PTK2: variants seen among roughly 807,000 people sequenced by gnomAD.
The protein encoded by PTK2 is focal adhesion kinase 1.
Under a neutral mutation model 150.1 loss-of-function variants are expected in PTK2, and 45 were observed. That is an observed-to-expected ratio of 0.30 (90% CI 0.24 to 0.38). PTK2 has a LOEUF of 0.38. Among genes scored for constraint, PTK2 ranks in the 10% least tolerant of loss-of-function variants. The probability of loss-of-function intolerance (pLI) is 1.00; values close to 1 mark genes in which losing one functional copy is unlikely to be tolerated. For missense variants in PTK2, 919 were observed against 1,307.3 expected (o/e 0.70, Z 4.58); for synonymous variants, 432 against 449.2 (o/e 0.96, Z 0.48).
At chr8:140,742,127 C>T (rs537017241) in intron 20 of PTK2, among the ~76,000 whole-genome samples, 7 of 152,182 alleles carry the variant, frequency 4.6e-5, no homozygotes, top group Non-Finnish European at 8.8e-5. Flanking sequence ...CAATGTGAGA[C>T]CTTGTCTCAA....
At position 140,933,488 on chromosome 8, in the gene PTK2, A is replaced by G. The variant is rs551946190; in HGVS notation, c.-121-7739T>C. 1.2e-4 allele frequency among the ~76,000 whole-genome samples: 18 copies of G among 152,372 alleles called. No homozygotes were observed. The South Asian group carries it at 3.7e-3, about 32-fold the overall frequency. The stretch of plus-strand genomic sequence containing the variant: ...TGCCAGAAGACAGAAAAATCAGGCA[A>G]GGTTTTGGAACGCTAAATCCTAGAG... On this transcript the variant is annotated intron_variant, in intron 1 of 31. Coordinates refer to ENST00000522684, the Ensembl canonical transcript of PTK2.
chr8:140,665,272 G>T (rs906503617), intron 30 of PTK2, among the ~76,000 whole-genome samples: 1 of 151,910 alleles, frequency 6.6e-6, no homozygotes, highest in Non-Finnish European at 1.5e-5. Flanking sequence ...TGGAAAGCAG[G>T]ATTTTTTTTT....
intron 22 of PTK2, chr8:140,734,608 AG>A: frequency 2.4e-6 from 1 of 413,902 alleles, no homozygotes; most frequent in Non-Finnish European, 4.9e-6. Flanking sequence ...TGCTTCCTCC[AG>A]GGGTTTAACA....
At chr8:140,811,149 T>C (rs886709981) in intron 10 of PTK2, among the ~76,000 whole-genome samples, 1 of 152,176 alleles carries the variant, frequency 6.6e-6, no homozygotes, top group African/African-American at 2.4e-5. Context: ...ACACCACCCA[T>C]TGGAGTGTAG....
intron 16 of PTK2, among the ~76,000 whole-genome samples, chr8:140,755,963 C>T (rs753947339): frequency 1.3e-5 from 2 of 152,128 alleles, no homozygotes; most frequent in African/African-American, 2.4e-5. Context: ...AATGAACAGA[C>T]TGCTTTGCAC....
chr8:140,738,831 G>A (rs911007819), intron 21 of PTK2, among the ~76,000 whole-genome samples, 187 bp downstream of exon 24: 2 of 152,304 alleles, frequency 1.3e-5, no homozygotes, highest in South Asian at 2.1e-4. Context: ...CAGAAGCTGT[G>A]CCCAGAAGCT....
At chr8:140,670,071 G>A (rs1029076283) in intron 29 of PTK2, 4 of 261,764 alleles carry the variant, frequency 1.5e-5, no homozygotes, top group Non-Finnish European at 2.2e-5. Context: ...AAAAAGAAAG[G>A]AGGAGGAGGA....
intron 27 of PTK2, among the ~76,000 whole-genome samples, chr8:140,681,537 G>C (rs575330985): frequency 3.3e-4 from 50 of 151,184 alleles, no homozygotes; most frequent in South Asian, 6.3e-4. Context: ...TTTGGGAGGC[G>C]GAGGCGGGCA....
intron 16 of PTK2, 118 bp downstream of exon 19, chr8:140,761,047 A>C: frequency 1.4e-6 from 1 of 691,960 alleles, no homozygotes; most frequent in East Asian, 2.7e-5. Context: ...AGCTTTATAA[A>C]AGACACCCGT....
intron 2 of PTK2, among the ~76,000 whole-genome samples, chr8:140,920,322 T>C (rs1343721312): frequency 6.6e-6 from 1 of 152,058 alleles, no homozygotes; most frequent in African/African-American, 2.4e-5. Context: ...CCTAACAACA[T>C]TAAAGAAGAA....
chr8:140,989,972 C>T (rs11167017), intron 1 of PTK2, among the ~76,000 whole-genome samples: 63,180 of 150,718 alleles, frequency 0.42, 15,144 homozygotes, highest in Non-Finnish European at 0.55. Context: ...AACCACAAGG[C>T]GGTACACTAT....
At chr8:140,761,742 T>C (rs1594441019) in intron 15 of PTK2, among the ~76,000 whole-genome samples, 1 of 152,066 alleles carries the variant, frequency 6.6e-6, no homozygotes, top group African/African-American at 2.4e-5. Context: ...TTTTGAAAGT[T>C]TAAGAGTTTT....
At chr8:140,664,053 G>A (rs1001292061) in intron 31 of PTK2, among the ~76,000 whole-genome samples, 29 of 151,892 alleles carry the variant, frequency 1.9e-4, no homozygotes, top group Non-Finnish European at 3.4e-4. Context: ...GCACGATCTC[G>A]GCTCACTGCA....
intron 20 of PTK2, among the ~76,000 whole-genome samples, chr8:140,739,603 C>T (rs2100054535): frequency 6.6e-6 from 1 of 152,182 alleles, no homozygotes; most frequent in African/African-American, 2.4e-5. Flanking sequence ...TCGTATCTCA[C>T]ATAGATTACA....
At chr8:140,951,090 G>A (rs2100179413) in intron 1 of PTK2, among the ~76,000 whole-genome samples, 1 of 152,068 alleles carries the variant, frequency 6.6e-6, no homozygotes, top group Non-Finnish European at 1.5e-5. Flanking sequence ...AGATTTTGCA[G>A]AAGGGTCTCA....
chr8:140,994,921 C>G (rs988408175), intron 1 of PTK2, among the ~76,000 whole-genome samples: 1 of 152,034 alleles, frequency 6.6e-6, no homozygotes, highest in African/African-American at 2.4e-5. Context: ...CCCATCTCTA[C>G]TAAAAATACA....
At chr8:140,762,191 T>C (rs2100069780) in intron 15 of PTK2, among the ~76,000 whole-genome samples, 177 bp downstream of exon 18, 1 of 152,162 alleles carries the variant, frequency 6.6e-6, no homozygotes, top group Non-Finnish European at 1.5e-5. Context: ...ACCCAAAATT[T>C]AGACAGTTAT....
intron 14 of PTK2, among the ~76,000 whole-genome samples, chr8:140,771,954 AT>A (rs61154851): frequency 0.54 from 79,143 of 145,244 alleles, 21,569 homozygotes; most frequent in East Asian, 0.66. Context: ...TAATTTTTGT[AT>A]TTTTTTTTTT....
At chr8:140,989,208 T>C (rs1382549543) in intron 1 of PTK2, among the ~76,000 whole-genome samples, 2 of 81,992 alleles carry the variant, frequency 2.4e-5, no homozygotes, top group Non-Finnish European at 4.8e-5. Context: ...GAAGACCCTG[T>C]CTCTAAAAAA....
Sources: gnomAD v4.1 joint callset for allele counts (sites outside exome capture counted in the v4.1 genomes callset) on GRCh38, gnomAD v4.1.1 for gene constraint, MANE v1.5 for transcripts, NCBI Gene and HGNC (gene_info 2026-07-23, HGNC 2026-07-21) for gene names.